Variants in FHIT observed in about 807,000 individuals in gnomAD.
The protein encoded by FHIT is fragile histidine triad diadenosine triphosphatase.
Under a neutral mutation model 17.9 loss-of-function variants are expected in FHIT, and 19 were observed. The observed-to-expected ratio is 1.06, with a 90% CI of 0.74 to 1.56. FHIT has a LOEUF of 1.56. FHIT is among the 40% of genes most tolerant of loss of function. The probability of loss-of-function intolerance (pLI) is 0.00; values close to 1 mark genes in which losing one functional copy is unlikely to be tolerated. For synonymous variants in FHIT, 81 were observed against 69.7 expected, an observed-to-expected ratio of 1.16 and a Z score of -0.81; for missense variants, 248 against 189.2, an observed-to-expected ratio of 1.31 and a Z score of -1.82.
intron 3 of FHIT, among the ~76,000 whole-genome samples, chr3:60,947,562 T>C (rs1054195291): frequency 6.6e-6 from 1 of 152,222 alleles, no homozygotes; most frequent in African/African-American, 2.4e-5. Flanking sequence ...AGTAAAAGTA[T>C]TCTAATTGGT....
intron 4 of FHIT, among the ~76,000 whole-genome samples, chr3:60,568,778 TC>T (rs1436249411): frequency 1.3e-5 from 2 of 152,046 alleles, no homozygotes; most frequent in East Asian, 3.9e-4. Context: ...GTCAAGCTCA[TC>T]TTTTTGAATT....
chr3:60,552,142 C>T (rs2036581290), intron 4 of FHIT, among the ~76,000 whole-genome samples: 1 of 152,068 alleles, frequency 6.6e-6, no homozygotes, highest in African/African-American at 2.4e-5. Flanking sequence ...AAGATTCATC[C>T]ACATTTTACC....
At chr3:60,768,993 G>A (rs1345290685) in intron 4 of FHIT, among the ~76,000 whole-genome samples, 2 of 152,172 alleles carry the variant, frequency 1.3e-5, no homozygotes, top group East Asian at 1.9e-4. Flanking sequence ...TTATTTCCCT[G>A]TTTGCCAGGC....
intron 5 of FHIT, among the ~76,000 whole-genome samples, chr3:60,358,177 T>C (rs1442647897): frequency 6.6e-6 from 1 of 152,248 alleles, no homozygotes; most frequent in Non-Finnish European, 1.5e-5. Flanking sequence ...TCACTGCACC[T>C]AGCACCCTCA....
chr3:60,917,264 A>G (rs575805390), intron 3 of FHIT, among the ~76,000 whole-genome samples: 1 of 152,240 alleles, frequency 6.6e-6, no homozygotes, highest in South Asian at 2.1e-4. Flanking sequence ...ATTTATCCCT[A>G]ATCTGTTACT....
intron 5 of FHIT, among the ~76,000 whole-genome samples, chr3:60,451,731 C>A (rs921136461): frequency 1.3e-5 from 2 of 152,068 alleles, no homozygotes; most frequent in Non-Finnish European, 2.9e-5. Context: ...AGCAAGTAAA[C>A]CTGACTCTCC....
At chr3:60,171,185 G>A (rs1206361421) in intron 5 of FHIT, among the ~76,000 whole-genome samples, 1 of 152,068 alleles carries the variant, frequency 6.6e-6, no homozygotes, top group Non-Finnish European at 1.5e-5. Context: ...TCTGAGGGAT[G>A]CTATTTTTTT....
At chr3:61,026,087 G>T (rs1248141001) in intron 3 of FHIT, among the ~76,000 whole-genome samples, 2 of 152,040 alleles carry the variant, frequency 1.3e-5, no homozygotes, top group African/African-American at 4.8e-5. Context: ...ATACTTTTGT[G>T]CATTTTCTGC....
At chr3:60,379,780 T>C (rs910247168) in intron 5 of FHIT, among the ~76,000 whole-genome samples, 2 of 152,178 alleles carry the variant, frequency 1.3e-5, no homozygotes, top group Admixed American at 6.5e-5. Context: ...ACACCTGGTA[T>C]AGGAAACTCT....
chr3:61,243,237 G>A (rs1206375607), intron 1 of FHIT, among the ~76,000 whole-genome samples: 1 of 152,104 alleles, frequency 6.6e-6, no homozygotes, highest in Non-Finnish European at 1.5e-5. Context: ...TAAGCCCCCA[G>A]ACCTAACCAC....
At chr3:59,864,569 C>T (rs2106865124) in intron 8 of FHIT, among the ~76,000 whole-genome samples, 1 of 151,660 alleles carries the variant, frequency 6.6e-6, no homozygotes, top group East Asian at 1.9e-4. Flanking sequence ...ATTCCTGCAG[C>T]ATATCTAGCC....
chr3:60,113,487 T>C (rs1450772791), intron 5 of FHIT, among the ~76,000 whole-genome samples: 1 of 151,872 alleles, frequency 6.6e-6, no homozygotes, highest in Non-Finnish European at 1.5e-5. Context: ...TGGGATTCAG[T>C]GTTACATCTA....
chr3:60,752,766 C>G (rs2108035196), intron 4 of FHIT, among the ~76,000 whole-genome samples: 1 of 152,240 alleles, frequency 6.6e-6, no homozygotes, highest in African/African-American at 2.4e-5. Flanking sequence ...ACTGGTTTAT[C>G]TCCCAATTCT....
At chr3:60,089,116 T>C (rs1017781545) in intron 5 of FHIT, among the ~76,000 whole-genome samples, 9 of 152,190 alleles carry the variant, frequency 5.9e-5, no homozygotes, top group Admixed American at 4.6e-4. Flanking sequence ...GTTTGACAGC[T>C]AGCTGCATAA....
chr3:59,972,166 T>C (rs1708215016), intron 7 of FHIT, among the ~76,000 whole-genome samples: 1 of 152,072 alleles, frequency 6.6e-6, no homozygotes, highest in African/African-American at 2.4e-5. Flanking sequence ...AACCAAGATA[T>C]TAGAGACAGA....
At chr3:60,152,420 T>C (rs1700507468) in intron 5 of FHIT, among the ~76,000 whole-genome samples, 1 of 152,204 alleles carries the variant, frequency 6.6e-6, no homozygotes, top group Non-Finnish European at 1.5e-5. Context: ...AATTGAGTTG[T>C]TTGTTTCTCC....
chr3:60,065,031 T>A (rs1050514232), intron 5 of FHIT, among the ~76,000 whole-genome samples: 1 of 152,204 alleles, frequency 6.6e-6, no homozygotes, highest in East Asian at 1.9e-4. Flanking sequence ...TATGACTCAC[T>A]GTATTCATTC....
intron 5 of FHIT, among the ~76,000 whole-genome samples, chr3:60,463,621 T>A (rs1384678383): frequency 6.6e-6 from 1 of 152,200 alleles, no homozygotes; most frequent in East Asian, 1.9e-4. Flanking sequence ...CGTGTAACAT[T>A]TCAAACTGTA....
chr3:60,484,869 A>T (rs2033768657), intron 5 of FHIT, among the ~76,000 whole-genome samples: 1 of 152,214 alleles, frequency 6.6e-6, no homozygotes, highest in African/African-American at 2.4e-5. Context: ...GTGAACAGGC[A>T]ATCTACAGAA....
Sources: allele counts gnomAD v4.1 joint callset (sites outside exome capture counted in the v4.1 genomes callset), GRCh38; gene constraint gnomAD v4.1.1; transcripts MANE v1.5; gene names NCBI Gene and HGNC (gene_info 2026-07-23, HGNC 2026-07-21).